Variants in PLEKHH1 observed in about 807,000 individuals in gnomAD.
The protein encoded by PLEKHH1 is pleckstrin homology, MyTH4 and FERM domain containing H1, also known as pleckstrin homology domain-containing family H member 1.
PLEKHH1 carries 104 observed loss-of-function variants against 160.0 expected under a neutral mutation model. The observed-to-expected ratio is 0.65, with a 90% CI of 0.55 to 0.76. The LOEUF (loss-of-function observed/expected upper bound fraction) is 0.76. PLEKHH1 is among the 30% of genes least tolerant of loss of function. The probability of loss-of-function intolerance (pLI) is 0.00; values close to 1 mark genes in which losing one functional copy is unlikely to be tolerated. For synonymous variants in PLEKHH1, 619 were observed against 678.4 expected (o/e 0.91, Z 1.36); for missense variants, 1,427 against 1,724.1 (o/e 0.83, Z 3.05).
chr14:67,563,025 C>A (rs1454036257), intron 7 of PLEKHH1, 131 bp downstream of exon 7: 2 of 888,846 alleles, frequency 2.3e-6, no homozygotes, highest in Non-Finnish European at 1.7e-6. Flanking sequence ...CAGGCAGGTA[C>A]CATGGAGCCT....
chr14:67,540,414 C>T (rs1431338872), intron 1 of PLEKHH1, among the ~76,000 whole-genome samples: 3 of 151,932 alleles, frequency 2.0e-5, no homozygotes, highest in East Asian at 3.9e-4. Context: ...TCACTTGAGG[C>T]CAGGAGTTCA....
intron 23 of PLEKHH1, chr14:67,581,653 T>C (rs2035907072): frequency 5.4e-6 from 1 of 186,852 alleles, no homozygotes; most frequent in Non-Finnish European, 1.1e-5. Context: ...CTATACCAAT[T>C]CCAGGAAATA....
intron 2 of PLEKHH1, among the ~76,000 whole-genome samples, chr14:67,545,749 G>A (rs1478329809): frequency 6.6e-6 from 1 of 152,190 alleles, no homozygotes; most frequent in Non-Finnish European, 1.5e-5. Flanking sequence ...AACTACATTT[G>A]TAAGATCAGT....
At chr14:67,571,991 G>C in intron 10 of PLEKHH1, 89 bp downstream of exon 10, 1 of 1,506,590 alleles carries the variant, frequency 6.6e-7, no homozygotes, top group East Asian at 2.5e-5. Flanking sequence ...GTCCCCACTT[G>C]ATCTGAGCTC....
Position 67,585,617 on chromosome 14 carries a change from A to G in PLEKHH1, c.3749A>G (p.Asn1250Ser), listed in dbSNP as rs1447396293. Residue 1250 changes from asparagine (N) to serine (S), a missense_variant, in exon 27 of 29, where the codon AAT becomes AGT. This residue lies in a region of PLEKHH1 where 56 missense variants were observed against 53.0 expected (regional missense o/e 1.06). Coordinates refer to ENST00000329153, the MANE Select transcript of PLEKHH1 (RefSeq NM_020715.3). ...AACGCTCTGGTGTGGATTGCTGTGA[A>G]TGAGGATGGCGTCAGCATCCTGGAC... The part of the protein sequence containing the change: ...KENALVWIAV[N>S]EDGVSILDHN... 6.3e-7 allele frequency: 1 copy of G among 1,583,692 alleles called. No individual in the cohort carries two copies. Among genetic ancestry groups the G allele is most frequent in the Non-Finnish European group, 8.6e-7 (1 of 1,163,844 alleles).
At chr14:67,567,024 C>A (rs1236493522) in intron 7 of PLEKHH1, among the ~76,000 whole-genome samples, 1 of 152,168 alleles carries the variant, frequency 6.6e-6, no homozygotes, top group Admixed American at 6.5e-5. Flanking sequence ...ACCCAAGAAT[C>A]AGCCAAAAGA....
At chr14:67,586,550 A>T (rs186002673) in intron 28 of PLEKHH1, 42 of 614,830 alleles carry the variant, frequency 6.8e-5, no homozygotes, top group Non-Finnish European at 9.8e-5. Flanking sequence ...TGTGGGGAAG[A>T]CCGCAAAAAG....
chr14:67,538,511 G>A (rs1180969743), intron 1 of PLEKHH1, among the ~76,000 whole-genome samples: 1 of 152,176 alleles, frequency 6.6e-6, no homozygotes, highest in Non-Finnish European at 1.5e-5. Context: ...GCATTTTTAT[G>A]GGAGGTATAA....
At position 67,576,829 on chromosome 14, in the gene PLEKHH1, G is replaced by C. The variant is rs1359483329; in HGVS notation, c.2461+326G>C. On this transcript the variant is annotated intron_variant, in intron 17 of 28. Transcript: ENST00000329153. This position sits in a 1 kb window ranked among gnomAD's most constrained non-coding sequence, Gnocchi z 4.0. ...GCTGGTTAATCTATAGTTAGAGTTTGTAAATCAACAAGTGAAGCCTAAATT... is the reference window on the plus strand; with the variant it reads ...GCTGGTTAATCTATAGTTAGAGTTTCTAAATCAACAAGTGAAGCCTAAATT... Among the ~76,000 whole-genome samples, 1 of 152,192 alleles carries C rather than the reference G, an allele frequency of 6.6e-6. No individual in the cohort carries two copies. The highest frequency in any genetic ancestry group is 1.5e-5 in the Non-Finnish European group (1 of 68,028).
rs905009739 is a variant in PLEKHH1, at chr14:67,582,933, A to G, written c.3426+723A>G. 1.3e-5 allele frequency among the ~76,000 whole-genome samples: 2 copies of G among 152,184 alleles called. No homozygotes were observed. Among genetic ancestry groups the G allele is most frequent in the African/African-American group, 2.4e-5 (1 of 41,438 alleles). ...CCTGGATAATTGTATCATGTAATGT[A>G]TGTGGTAAACTTCATAAACCATCAG... On this transcript the variant is annotated intron_variant, in intron 24 of 28. Transcript: ENST00000329153. This position sits in a 1 kb window ranked among gnomAD's most constrained non-coding sequence, Gnocchi z 5.0.
Position 67,576,442 on chromosome 14 carries a change from C to T in PLEKHH1, c.2400C>T (p.Ala800=), listed in dbSNP as rs1566756541. 1 of 1,611,130 alleles carries T rather than the reference C, an allele frequency of 6.2e-7. No homozygotes were observed. The highest frequency in any genetic ancestry group is 8.5e-7 in the Non-Finnish European group (1 of 1,177,340). The change falls in exon 17 of 29, where the codon GCC becomes GCT. Residue 800 remains alanine, a synonymous_variant. Coordinates refer to ENST00000329153, the MANE Select transcript of PLEKHH1 (RefSeq NM_020715.3). This position sits in a 1 kb window ranked among gnomAD's most constrained non-coding sequence, Gnocchi z 4.0. ...HLTVAAGGSS[A]KVGTAYEQLI... ...CAGTGGCTGCAGGTGGCAGCAGTGCCAAGGTGGGCACTGCCTATGAGCAGC... is the reference window on the plus strand; with the variant it reads ...CAGTGGCTGCAGGTGGCAGCAGTGCTAAGGTGGGCACTGCCTATGAGCAGC...
intron 1 of PLEKHH1, 147 bp downstream of exon 1, chr14:67,533,545 G>A (rs1289549825): frequency 6.6e-6 from 1 of 152,012 alleles, no homozygotes; most frequent in Non-Finnish European, 1.5e-5. Flanking sequence ...TCCCAGCGGC[G>A]GGGAGCGCTG....
intron 2 of PLEKHH1, among the ~76,000 whole-genome samples, chr14:67,555,070 G>A (rs112576474): frequency 0.062 from 9,366 of 152,034 alleles, 395 homozygotes; most frequent in Non-Finnish European, 0.099. Flanking sequence ...ACACCGCCAC[G>A]CTCAGCTAAT....
chr14:67,559,691 G>A lies in PLEKHH1; in HGVS notation c.423G>A (p.Lys141=). Residue 141 remains lysine (K), a splice_region_variant and synonymous_variant, in exon 5 of 29, where the codon AAG becomes AAA. Transcript: ENST00000329153. ...IKEWVTLKLA[K]LEMENQHLKS... The stretch of plus-strand genomic sequence containing the variant: ...AATGGGTGACACTCAAGTTGGCAAA[G>A]GTGGGTTGGAAACTCATCTTGGAGG... 1 of 1,600,106 alleles carries A rather than the reference G, an allele frequency of 6.2e-7. No homozygotes were observed. The highest frequency in any genetic ancestry group is 8.5e-7 in the Non-Finnish European group (1 of 1,172,304).
At chr14:67,549,774 C>G (rs1422358936) in intron 2 of PLEKHH1, among the ~76,000 whole-genome samples, 2 of 152,236 alleles carry the variant, frequency 1.3e-5, no homozygotes, top group Admixed American at 6.5e-5. Flanking sequence ...CTGTTTCTTA[C>G]AGTGTGGTCT....
chr14:67,563,005 G>T, intron 7 of PLEKHH1, 111 bp downstream of exon 7: 1 of 1,151,716 alleles, frequency 8.7e-7, no homozygotes, highest in Non-Finnish European at 1.2e-6. Flanking sequence ...CATCCTCATG[G>T]TGGCCCTGGC....
chr14:67,585,409 C>G, intron 26 of PLEKHH1, 159 bp from the exon 27 acceptor site: 1 of 610,012 alleles, frequency 1.6e-6, no homozygotes, highest in Non-Finnish European at 2.9e-6. Context: ...TGTCTATTTC[C>G]TGCATACACT....
chr14:67,556,037 G>T, intron 3 of PLEKHH1, 150 bp downstream of exon 3: 2 of 1,067,428 alleles, frequency 1.9e-6, no homozygotes, highest in Admixed American at 4.4e-5. Context: ...TTCTGTGGGA[G>T]TAGAGTCTCT....
Position 67,576,399 on chromosome 14 carries a change from CGTGGCTCTACCACCTCACA to C in PLEKHH1, c.2364_2382del (p.Tyr789GlnfsTer19). The C allele has an allele frequency of 6.3e-7, 1 of 1,590,784 alleles. No homozygotes were observed. Among genetic ancestry groups the C allele is most frequent in the Non-Finnish European group, 8.6e-7 (1 of 1,159,666 alleles). On this transcript the variant is annotated frameshift_variant, in exon 17 of 29. Transcript: ENST00000329153. LOFTEE classifies it high-confidence loss of function. The surrounding 1 kb of genome is among the most constrained non-coding windows in gnomAD (Gnocchi z 4.0). ...TGGCTTTCCGCCCTCTTCCAGGATA[CGTGGCTCTACCACCTCACA>C]GTGGCTGCAGGTGGCAGCAGTGCCA...
Sources: allele counts gnomAD v4.1 joint callset (sites outside exome capture counted in the v4.1 genomes callset), GRCh38; gene constraint gnomAD v4.1.1; regional missense constraint gnomAD v4.1.1; non-coding constraint Gnocchi (gnomAD v3.1); transcripts MANE v1.5; gene names NCBI Gene and HGNC (gene_info 2026-07-23, HGNC 2026-07-21).